DAB1: variants seen among roughly 807,000 people sequenced by gnomAD.
The protein encoded by DAB1 is DAB adaptor protein 1.
In DAB1, 15 loss-of-function variants were observed where a neutral mutation model predicts 64.6. The ratio of observed to expected loss-of-function variants is 0.23; its 90% confidence interval spans 0.16 to 0.36. DAB1 has a LOEUF of 0.36. Ranked by LOEUF, DAB1 falls within the 10% of genes least tolerant of loss-of-function variation. DAB1 has a pLI of 1.00. For missense variants in DAB1, 596 were observed against 706.7 expected, an observed-to-expected ratio of 0.84 and a Z score of 1.78; for synonymous variants, 235 against 251.9, an observed-to-expected ratio of 0.93 and a Z score of 0.64.
chr1:58,481,931 A>G (rs575801031), intron 3 of DAB1, among the ~76,000 whole-genome samples: 7 of 152,326 alleles, frequency 4.6e-5, no homozygotes, highest in Middle Eastern at 3.4e-3. Context: ...TTTCCTTCAT[A>G]AATTACCTAG....
At chr1:58,091,341 C>T (rs1650644518) in intron 5 of DAB1, among the ~76,000 whole-genome samples, 1 of 152,230 alleles carries the variant, frequency 6.6e-6, no homozygotes, top group South Asian at 2.1e-4. Context: ...GCTCCTCTGT[C>T]TAACCATGGC....
chr1:57,723,994 A>G (rs1311858214), intron 6 of DAB1, among the ~76,000 whole-genome samples: 1 of 152,128 alleles, frequency 6.6e-6, no homozygotes, highest in Non-Finnish European at 1.5e-5. Flanking sequence ...TTTCTGCTTC[A>G]ATCCTGTCAA....
intron 7 of DAB1, among the ~76,000 whole-genome samples, chr1:57,606,527 TAA>T (rs1197729745): frequency 1.7e-5 from 2 of 117,778 alleles, no homozygotes; most frequent in East Asian, 2.1e-4. Flanking sequence ...ATATAATATA[TAA>T]TATATATGAA....
At chr1:58,094,088 T>C (rs370562474) in intron 5 of DAB1, among the ~76,000 whole-genome samples, 4 of 152,190 alleles carry the variant, frequency 2.6e-5, no homozygotes, top group East Asian at 1.9e-4. Flanking sequence ...CTGTGTCCCA[T>C]GGCTAGACCC....
intron 8 of DAB1, among the ~76,000 whole-genome samples, chr1:57,065,661 T>C (rs1650832949): frequency 6.6e-6 from 1 of 152,240 alleles, no homozygotes; most frequent in Non-Finnish European, 1.5e-5. Context: ...TGTACCATTC[T>C]GTTTACACAA....
intron 3 of DAB1, among the ~76,000 whole-genome samples, chr1:58,427,816 GA>G (rs1326596176): frequency 1.4e-4 from 22 of 152,232 alleles, no homozygotes; most frequent in African/African-American, 5.3e-4. Flanking sequence ...GGAGAGGCCT[GA>G]AATAAAGATA....
intron 7 of DAB1, among the ~76,000 whole-genome samples, chr1:57,554,149 A>T (rs1644959992): frequency 6.6e-6 from 1 of 152,240 alleles, no homozygotes; most frequent in African/African-American, 2.4e-5. Flanking sequence ...GAAGGGATAG[A>T]GAGCAGGAAG....
intron 5 of DAB1, among the ~76,000 whole-genome samples, chr1:58,103,758 A>C (rs1267466656): frequency 6.6e-6 from 1 of 152,152 alleles, no homozygotes; most frequent in East Asian, 1.9e-4. Flanking sequence ...GCATTGCTCA[A>C]GTTTGGGCCC....
intron 1 of DAB1, among the ~76,000 whole-genome samples, chr1:57,357,392 T>C (rs1192613114): frequency 6.6e-6 from 1 of 152,054 alleles, no homozygotes; most frequent in Non-Finnish European, 1.5e-5. Context: ...GGTTGCTCTG[T>C]GGCTTGACAA....
intron 1 of DAB1, among the ~76,000 whole-genome samples, chr1:57,832,722 G>A (rs796824608): frequency 9.8e-5 from 15 of 152,314 alleles, no homozygotes; most frequent in African/African-American, 3.6e-4. Flanking sequence ...AGAAAAGACA[G>A]AGGGAGTCAA....
chr1:57,390,224 T>A (rs549580346), intron 1 of DAB1, among the ~76,000 whole-genome samples: 10 of 152,316 alleles, frequency 6.6e-5, no homozygotes, highest in African/African-American at 2.2e-4. Flanking sequence ...GAAAAGAATA[T>A]GGAATTTGAA....
intron 1 of DAB1, among the ~76,000 whole-genome samples, chr1:57,827,346 CTG>C (rs2101900814): frequency 6.6e-6 from 1 of 152,320 alleles, no homozygotes; most frequent in Non-Finnish European, 1.5e-5. Context: ...ATGTTAGTAT[CTG>C]TGCCTAGGAT....
chr1:57,897,430 G>T (rs575078355), intron 5 of DAB1, among the ~76,000 whole-genome samples: 1 of 152,094 alleles, frequency 6.6e-6, no homozygotes, highest in African/African-American at 2.4e-5. Context: ...ATCCCATATT[G>T]ATTTTTCTCT....
chr1:57,010,718 T>C lies in DAB1; in HGVS notation c.1645A>G (p.Ile549Val), dbSNP rs750694191. 10 of 1,591,260 alleles carry C rather than the reference T, an allele frequency of 6.3e-6. No individual in the cohort carries two copies. The East Asian group carries it at 1.1e-4, about 18-fold the overall frequency. The change falls in exon 14 of 15, where the codon ATA becomes GTA. Residue 549 changes from isoleucine to valine, a missense_variant. Ile to Val is a conservative substitution (Grantham distance 29, BLOSUM62 3). Coordinates refer to ENST00000371236, the MANE Select transcript of DAB1 (RefSeq NM_001365792.1). ...ATCTAGCTACCGGCCTGTGGACTTATATTATCACCACTGGGCTCCCCACTG... is the reference window on the plus strand; with the variant it reads ...ATCTAGCTACCGGCCTGTGGACTTACATTATCACCACTGGGCTCCCCACTG... ...EPSGEPSGDN[I>V]SPQAGS
At chr1:57,122,116 A>G (rs1656720200) in intron 4 of DAB1, among the ~76,000 whole-genome samples, 1 of 152,104 alleles carries the variant, frequency 6.6e-6, no homozygotes, top group African/African-American at 2.4e-5. Flanking sequence ...GCTTTGCTTG[A>G]TAGGTCATTA....
chr1:57,145,482 T>A, intron 2 of DAB1, 53 bp from the exon 3 acceptor site: 1 of 1,587,150 alleles, frequency 6.3e-7, no homozygotes, highest in Non-Finnish European at 8.6e-7. Context: ...CCCCAGTGGC[T>A]TTGAGTATCC....
At chr1:57,074,012 G>A (rs1651755571) in intron 4 of DAB1, among the ~76,000 whole-genome samples, 2 of 152,104 alleles carry the variant, frequency 1.3e-5, no homozygotes, top group Admixed American at 1.3e-4. Flanking sequence ...GGGTGGCTGG[G>A]ACTACAGGCA....
At chr1:58,354,649 G>A (rs1429173295) in intron 3 of DAB1, among the ~76,000 whole-genome samples, 1 of 152,122 alleles carries the variant, frequency 6.6e-6, no homozygotes, top group Non-Finnish European at 1.5e-5. Flanking sequence ...TATAATCTAG[G>A]AGGACACAGA....
intron 3 of DAB1, among the ~76,000 whole-genome samples, chr1:58,365,492 C>T (rs1644208327): frequency 6.6e-6 from 1 of 152,182 alleles, no homozygotes; most frequent in African/African-American, 2.4e-5. Context: ...TGAGGTAGGA[C>T]TATACAGATC....
Sources: allele counts gnomAD v4.1 joint callset (sites outside exome capture counted in the v4.1 genomes callset), GRCh38; gene constraint gnomAD v4.1.1; transcripts MANE v1.5; gene names NCBI Gene and HGNC (gene_info 2026-07-23, HGNC 2026-07-21).